The following HPSE2 variants were observed in gnomAD, a reference collection of about 807,000 sequenced individuals.
HPSE2 encodes the protein inactive heparanase-2.
HPSE2 carries 38 observed loss-of-function variants against 60.5 expected under a neutral mutation model. The ratio of observed to expected loss-of-function variants is 0.63; its 90% confidence interval spans 0.48 to 0.82. HPSE2 has a LOEUF of 0.82. Ranked by LOEUF, HPSE2 falls within the 40% of genes least tolerant of loss-of-function variation. The pLI is 0.00. For missense variants in HPSE2, 713 were observed against 740.4 expected (o/e 0.96, Z 0.43); for synonymous variants, 295 against 293.2 (o/e 1.01, Z -0.06).
At chr10:98,741,085 ATAATCATTTATTATTTAT>A (rs1410163975) in intron 4 of HPSE2, among the ~76,000 whole-genome samples, 1 of 152,116 alleles carries the variant, frequency 6.6e-6, no homozygotes, top group African/African-American at 2.4e-5. Context: ...TTTATCATTA[ATAATCATTTATTATTTAT>A]TAATCATTTA....
chr10:99,035,300 C>T (rs1365423292), intron 3 of HPSE2, among the ~76,000 whole-genome samples: 1 of 152,060 alleles, frequency 6.6e-6, no homozygotes, highest in Non-Finnish European at 1.5e-5. Flanking sequence ...TTGTTAAAAA[C>T]AAACACACGA....
chr10:99,182,588 T>C (rs944928453), intron 2 of HPSE2, among the ~76,000 whole-genome samples: 6 of 152,178 alleles, frequency 3.9e-5, no homozygotes, highest in African/African-American at 1.4e-4. Flanking sequence ...TGAAAGGCAG[T>C]CCAGGAGATA....
chr10:99,209,094 A>C (rs894511388), intron 2 of HPSE2, among the ~76,000 whole-genome samples: 2 of 152,198 alleles, frequency 1.3e-5, no homozygotes, highest in African/African-American at 2.4e-5. Flanking sequence ...CCAGAGAGAA[A>C]ATTAATAAGG....
At chr10:98,809,366 G>GGT (rs1951115153) in intron 3 of HPSE2, among the ~76,000 whole-genome samples, 1 of 151,718 alleles carries the variant, frequency 6.6e-6, no homozygotes, top group Admixed American at 6.6e-5. Flanking sequence ...TTAAAATTAG[G>GGT]GTACTATTAA....
chr10:98,514,922 C>T (rs1173952797), intron 9 of HPSE2, among the ~76,000 whole-genome samples: 1 of 151,708 alleles, frequency 6.6e-6, no homozygotes, highest in African/African-American at 2.4e-5. Context: ...CAGGGTTTCA[C>T]CATGTTGGCC....
chr10:98,465,155 C>T (rs1322018649), intron 11 of HPSE2, among the ~76,000 whole-genome samples: 1 of 152,160 alleles, frequency 6.6e-6, no homozygotes, highest in African/African-American at 2.4e-5. Context: ...TCATATCATG[C>T]TAAATATAAC....
At chr10:99,172,901 G>T (rs1847372262) in intron 2 of HPSE2, among the ~76,000 whole-genome samples, 2 of 152,158 alleles carry the variant, frequency 1.3e-5, no homozygotes, top group African/African-American at 2.4e-5. Context: ...AGAAAAAGAA[G>T]AAAGGGAATG....
At chr10:98,898,446 C>T (rs1452801033) in intron 3 of HPSE2, among the ~76,000 whole-genome samples, 1 of 152,020 alleles carries the variant, frequency 6.6e-6, no homozygotes, top group Non-Finnish European at 1.5e-5. Flanking sequence ...ATCTTAAACG[C>T]ATACTAAGTA....
intron 3 of HPSE2, among the ~76,000 whole-genome samples, chr10:99,023,109 G>C (rs962941822): frequency 2.0e-5 from 3 of 152,126 alleles, no homozygotes; most frequent in African/African-American, 7.2e-5. Flanking sequence ...GGCTAGAGGA[G>C]AAACTAATGC....
At chr10:98,591,945 G>A (rs1376819806) in intron 9 of HPSE2, among the ~76,000 whole-genome samples, 1 of 152,126 alleles carries the variant, frequency 6.6e-6, no homozygotes, top group Non-Finnish European at 1.5e-5. Context: ...GTTTCCAAAT[G>A]ACAAGGAAAG....
At chr10:99,232,268 C>T in intron 2 of HPSE2, 80 bp downstream of exon 2, 1 of 1,466,038 alleles carries the variant, frequency 6.8e-7, no homozygotes, top group South Asian at 1.2e-5. Context: ...AACACACAGA[C>T]ACACGAACAC....
chr10:99,276,609 C>T, the HPSE2 span, among the ~76,000 whole-genome samples: 27 of 151,798 alleles, frequency 1.8e-4, no homozygotes, highest in African/African-American at 5.8e-4. Flanking sequence ...TTTTAATCTA[C>T]GCTTGGAGTC....
At chr10:98,713,536 A>G (rs576985314) in intron 5 of HPSE2, among the ~76,000 whole-genome samples, 1 of 152,038 alleles carries the variant, frequency 6.6e-6, no homozygotes, top group East Asian at 1.9e-4. Context: ...TGGAACATTA[A>G]TCCCTCAAGA....
chr10:99,021,318 T>A (rs760429283), intron 3 of HPSE2, among the ~76,000 whole-genome samples: 6 of 152,180 alleles, frequency 3.9e-5, no homozygotes, highest in Non-Finnish European at 7.3e-5. Flanking sequence ...AATAACACTG[T>A]AAAACAGCTA....
intron 6 of HPSE2, among the ~76,000 whole-genome samples, chr10:98,667,350 A>G (rs1947390836): frequency 6.6e-6 from 1 of 152,208 alleles, no homozygotes. Flanking sequence ...CCAGATGTAC[A>G]AAGAAGAACT....
intron 3 of HPSE2, among the ~76,000 whole-genome samples, chr10:98,988,270 C>T (rs535264881): frequency 9.8e-5 from 15 of 152,414 alleles, no homozygotes; most frequent in African/African-American, 3.4e-4. Context: ...GTAACCAAAA[C>T]AGCATGCTAC....
chr10:98,816,035 G>C (rs1163225049), intron 3 of HPSE2, among the ~76,000 whole-genome samples: 3 of 133,484 alleles, frequency 2.2e-5, no homozygotes, highest in East Asian at 2.6e-4. Flanking sequence ...TGTGGGGTGG[G>C]GGGGAGGGGG....
At chr10:99,122,269 T>C (rs1564824827) in intron 3 of HPSE2, among the ~76,000 whole-genome samples, 1 of 152,048 alleles carries the variant, frequency 6.6e-6, no homozygotes, top group Non-Finnish European at 1.5e-5. Context: ...GTTATGTACA[T>C]TAAATAATAA....
At chr10:98,696,793 G>T (rs959381004) in intron 5 of HPSE2, among the ~76,000 whole-genome samples, 2 of 152,166 alleles carry the variant, frequency 1.3e-5, no homozygotes, top group South Asian at 2.1e-4. Context: ...CTCCCAGGGT[G>T]GGGGAAGGCC....
Sources: gnomAD v4.1 joint callset for allele counts (sites outside exome capture counted in the v4.1 genomes callset) on GRCh38, gnomAD v4.1.1 for gene constraint, MANE v1.5 for transcripts, NCBI Gene and HGNC (gene_info 2026-07-23, HGNC 2026-07-21) for gene names.